The following EMILIN2 variants were observed in gnomAD, a reference collection of about 807,000 sequenced individuals.
EMILIN2 encodes elastin microfibril interfacer 2.
Under a neutral mutation model 87.1 loss-of-function variants are expected in EMILIN2, and 71 were observed. The observed-to-expected ratio is 0.82, with a 90% CI of 0.67 to 0.99. The LOEUF (loss-of-function observed/expected upper bound fraction) is 0.99, where lower values mean the gene tolerates loss of function less well. Among genes scored for constraint, EMILIN2 ranks in the 50% least tolerant of loss-of-function variants. The pLI is 0.00. For synonymous variants in EMILIN2, 581 were observed against 563.4 expected (o/e 1.03, Z -0.44); for missense variants, 1,407 against 1,371.8 (o/e 1.03, Z -0.40).
intron 4 of EMILIN2, among the ~76,000 whole-genome samples, chr18:2,895,630 G>A (rs542965218): frequency 3.6e-4 from 55 of 152,252 alleles, no homozygotes; most frequent in African/African-American, 1.3e-3. Flanking sequence ...GTGCCTCGGT[G>A]CTCCTCCACC....
chr18:2,908,878 G>A, intron 5 of EMILIN2, 65 bp from the exon 6 acceptor site: 2 of 1,592,858 alleles, frequency 1.3e-6, no homozygotes, highest in Non-Finnish European at 1.7e-6. Flanking sequence ...GGAAAAAGGG[G>A]GCTCAGAACA....
At position 2,848,956 on chromosome 18, in the gene EMILIN2, C is replaced by A. The variant is rs114715003; in HGVS notation, c.257+1025C>A. On this transcript the variant is annotated intron_variant, in intron 2 of 7. Transcript: ENST00000254528. This position sits in a 1 kb window ranked among gnomAD's most constrained non-coding sequence, Gnocchi z 4.1. Reference sequence around the variant, plus strand: ...TGGGAAGTGGTCGCTGGGTCCACCCCACGTGGGCTTCTGGAGGAGCTGCCA... The same window carrying A: ...TGGGAAGTGGTCGCTGGGTCCACCCAACGTGGGCTTCTGGAGGAGCTGCCA... Among the ~76,000 whole-genome samples the A allele has an allele frequency of 6.6e-6, 1 of 152,160 alleles. No individual in the cohort carries two copies. Among genetic ancestry groups the A allele is most frequent in the East Asian group, 1.9e-4 (1 of 5,194 alleles).
At chr18:2,857,072 C>CCAGAAGGACT (rs1266234969) in intron 2 of EMILIN2, among the ~76,000 whole-genome samples, 3 of 152,102 alleles carry the variant, frequency 2.0e-5, no homozygotes, top group Non-Finnish European at 4.4e-5. Flanking sequence ...TTAGAAGGAC[C>CCAGAAGGACT]CAGAAGGACT....
rs550653623 is a variant in EMILIN2, at chr18:2,908,839, A to G, written c.2663-104A>G. The G allele has an allele frequency of 1.5e-5, 20 of 1,354,752 alleles. No homozygotes were observed. In the African/African-American group the frequency reaches 2.6e-4, roughly 18 times the overall value. The allele number at this position is 1,354,752 out of a possible 1,614,324, so 83.9% of individuals were successfully genotyped here. On this transcript the variant is annotated intron_variant, in intron 5 of 7. Transcript: ENST00000254528. ...TCTATGTCTGTTTCTATAGTAGTGA[A>G]GACTCGATTTGAACTTGTGAGGAGC... is the stretch of plus-strand genomic sequence containing the variant.
At chr18:2,867,943 C>G (rs1195267155) in intron 2 of EMILIN2, among the ~76,000 whole-genome samples, 2 of 152,038 alleles carry the variant, frequency 1.3e-5, no homozygotes, top group African/African-American at 4.8e-5. Context: ...AGAGGCGCCC[C>G]TCACCTCCCG....
In EMILIN2 at chr18:2,914,481, C is replaced by T. The variant is rs1011475347; in HGVS notation, c.*1077C>T. The stretch of plus-strand genomic sequence containing the variant: ...CTGGCCACACGCTGACAGCTGAGCC[C>T]ATCTGAGAACACGGCATCTTCACAC... On this transcript the variant is annotated 3_prime_UTR_variant, in exon 8 of 8. Transcript: ENST00000254528. The T allele has an allele frequency of 2.0e-5, 3 of 152,152 alleles. No individual in the cohort carries two copies. The highest frequency in any genetic ancestry group is 7.2e-5 in the African/African-American group (3 of 41,414). 9.4% of individuals were successfully genotyped at this position (152,152 alleles called of 1,614,324 possible).
At position 2,915,178 on chromosome 18, in the gene EMILIN2, G is replaced by A. The variant is rs1441665096; in HGVS notation, c.*1774G>A. 1 of 152,260 alleles carries A rather than the reference G, an allele frequency of 6.6e-6. No individual in the cohort carries two copies. Among genetic ancestry groups the A allele is most frequent in the Non-Finnish European group, 1.5e-5 (1 of 68,068 alleles). The allele number at this position is 152,260 out of a possible 1,614,324, so 9.4% of individuals were successfully genotyped here. On this transcript the variant is annotated 3_prime_UTR_variant, in exon 8 of 8. Transcript: ENST00000254528. The stretch of plus-strand genomic sequence containing the variant: ...CTCCGTAGATGGGTCTGGAACATCG[G>A]GTAAAACCCAGTCCTCCTCTCAGTG...
rs553905328 is a variant in EMILIN2, at chr18:2,856,708, G to A, written c.257+8777G>A. Among the ~76,000 whole-genome samples, 14 of 152,282 alleles carry A rather than the reference G, an allele frequency of 9.2e-5. No homozygotes were observed. The South Asian group carries it at 1.0e-3, about 11-fold the overall frequency. ...AATGTTCTGATTTATCATTGGCCGC[G>A]TGACTTCTTTACTGCTCAGCGTTAA... On this transcript the variant is annotated intron_variant, in intron 2 of 7. Coordinates refer to ENST00000254528, the MANE Select transcript of EMILIN2 (RefSeq NM_032048.3).
Position 2,915,476 on chromosome 18 carries a change from T to A in EMILIN2, c.*2072T>A, listed in dbSNP as rs1337239676. 1 of 151,366 alleles carries A rather than the reference T, an allele frequency of 6.6e-6. No individual in the cohort carries two copies. The highest frequency in any genetic ancestry group is 1.5e-5 in the Non-Finnish European group (1 of 68,016). The allele number at this position is 151,366 out of a possible 1,614,324, so 9.4% of individuals were successfully genotyped here. On this transcript the variant is annotated 3_prime_UTR_variant, in exon 8 of 8. Coordinates refer to ENST00000254528, the MANE Select transcript of EMILIN2 (RefSeq NM_032048.3). ...CCCTGAAGTAGTGCCTGCGAGTCAG[T>A]CAGAGGCATACCAAACCCTGAGACA...
Position 2,847,271 on chromosome 18 carries a change from G to C in EMILIN2, c.83G>C (p.Cys28Ser). ...CTGGCCCTGGTTGGCGCGGGGCTGT[G>C]CCACGCCGGCCCGCAGCCCGGGTAT... Reference protein sequence around the residue: ...ALLALVGAGLCHAGPQPGYPA... With the variant: ...ALLALVGAGLSHAGPQPGYPA... Residue 28 changes from cysteine to serine, a missense_variant, in exon 1 of 8, where the codon TGC (cysteine) becomes TCC (serine). Transcript: ENST00000254528. This position sits in a 1 kb window ranked among gnomAD's most constrained non-coding sequence, Gnocchi z 4.5. The C allele has an allele frequency of 3.0e-6, 4 of 1,317,768 alleles. No individual in the cohort carries two copies. Among genetic ancestry groups the C allele is most frequent in the Non-Finnish European group, 3.9e-6 (4 of 1,036,972 alleles). 81.6% of individuals were successfully genotyped at this position (1,317,768 alleles called of 1,614,324 possible).
intron 2 of EMILIN2, among the ~76,000 whole-genome samples, chr18:2,855,583 G>A (rs770342395): frequency 2.0e-5 from 3 of 152,200 alleles, no homozygotes; most frequent in Admixed American, 6.5e-5. Context: ...TGAGGTAGCC[G>A]GAAAAGGGGA....
At chr18:2,902,553 T>C (rs1161294769) in intron 4 of EMILIN2, among the ~76,000 whole-genome samples, 1 of 152,060 alleles carries the variant, frequency 6.6e-6, no homozygotes, top group East Asian at 1.9e-4. Context: ...ATTTCAGGGG[T>C]GCACATGGTA....
rs1392783669 is a variant in EMILIN2, at chr18:2,880,833, C to T, written c.258-4131C>T. 2.0e-5 allele frequency among the ~76,000 whole-genome samples: 3 copies of T among 152,184 alleles called. No individual in the cohort carries two copies. On this transcript the variant is annotated intron_variant, in intron 2 of 7. Coordinates refer to ENST00000254528, the MANE Select transcript of EMILIN2 (RefSeq NM_032048.3). The surrounding 1 kb of genome is among the most constrained non-coding windows in gnomAD (Gnocchi z 4.1). ...ATTCCCTGAAGGGAGGAAGTGGGTCCTGGGTCTGGGGCTTTTCCACTTTGG... is the reference window on the plus strand; with the variant it reads ...ATTCCCTGAAGGGAGGAAGTGGGTCTTGGGTCTGGGGCTTTTCCACTTTGG...
chr18:2,891,363 G>A lies in EMILIN2; in HGVS notation c.1236G>A (p.Leu412=). ...NGDIGQQIKT[L]DQKIERVAEA... is the part of the protein sequence containing the mutation. ...ACATTGGTCAACAGATCAAGACATT[G>A]GACCAGAAAATCGAGAGAGTTGCTG... Residue 412 remains leucine (L), a synonymous_variant, in exon 4 of 8, where the codon TTG becomes TTA. Coordinates refer to ENST00000254528, the MANE Select transcript of EMILIN2 (RefSeq NM_032048.3). The surrounding 1 kb of genome is among the most constrained non-coding windows in gnomAD (Gnocchi z 4.6). The A allele has an allele frequency of 6.2e-7, 1 of 1,614,228 alleles. No homozygotes were observed. Among genetic ancestry groups the A allele is most frequent in the Non-Finnish European group, 8.5e-7 (1 of 1,180,048 alleles).
chr18:2,896,611 A>G (rs2076864833), intron 4 of EMILIN2, among the ~76,000 whole-genome samples: 1 of 152,190 alleles, frequency 6.6e-6, no homozygotes, highest in African/African-American at 2.4e-5. Context: ...GGTAGCTAGT[A>G]CTACTGGCAC....
chr18:2,905,304 G>GC (rs1339474363), intron 4 of EMILIN2, among the ~76,000 whole-genome samples: 3 of 98,442 alleles, frequency 3.0e-5, no homozygotes, highest in South Asian at 9.9e-4. Flanking sequence ...GTGGGGCGGG[G>GC]GGGGGGCATG....
Position 2,877,444 on chromosome 18 carries a change from T to G in EMILIN2, c.258-7520T>G, listed in dbSNP as rs1428598119. ...TTATTCATTGACTGACAGTTTTTTTTTTTTTTTTTTACAAACAAAACATTT... is the reference window on the plus strand; with the variant it reads ...TTATTCATTGACTGACAGTTTTTTTGTTTTTTTTTTACAAACAAAACATTT... On this transcript the variant is annotated intron_variant, in intron 2 of 7. Transcript: ENST00000254528. Among the ~76,000 whole-genome samples, 8 of 152,040 alleles carry G rather than the reference T, an allele frequency of 5.3e-5. No individual in the cohort carries two copies. The East Asian group carries it at 5.8e-4, about 11-fold the overall frequency.
chr18:2,855,628 G>A (rs2076623255), intron 2 of EMILIN2, among the ~76,000 whole-genome samples: 1 of 152,230 alleles, frequency 6.6e-6, no homozygotes, highest in African/African-American at 2.4e-5. Context: ...AACGGCAAGT[G>A]GGTGGGAACT....
In EMILIN2 at chr18:2,890,977, G is replaced by A. The variant is rs374957134; in HGVS notation, c.850G>A (p.Asp284Asn). 4.2e-5 allele frequency: 68 copies of A among 1,614,090 alleles called. No individual in the cohort carries two copies. The highest frequency in any genetic ancestry group is 5.5e-5 in the Non-Finnish European group (65 of 1,180,046). Residue 284 changes from aspartate to asparagine, a missense_variant, in exon 4 of 8, where the codon GAT (aspartate) becomes AAT (asparagine). Asp to Asn is a conservative substitution (Grantham distance 23). Coordinates refer to ENST00000254528, the MANE Select transcript of EMILIN2 (RefSeq NM_032048.3). The surrounding 1 kb of genome is among the most constrained non-coding windows in gnomAD (Gnocchi z 4.7). ...CAAAAGTGACAAGCTGGAAGAGCTG[G>A]ATGGAAAAGTGAAGGGCTACGAAGG... Reference protein sequence around the residue: ...KNKSDKLEELDGKVKGYEGQL... With the variant: ...KNKSDKLEELNGKVKGYEGQL...
Sources: gnomAD v4.1 joint callset for allele counts (sites outside exome capture counted in the v4.1 genomes callset) on GRCh38, gnomAD v4.1.1 for gene constraint, Gnocchi (gnomAD v3.1) non-coding constraint, MANE v1.5 for transcripts, NCBI Gene and HGNC (gene_info 2026-07-23, HGNC 2026-07-21) for gene names.